Variants in CAMTA1 observed in about 807,000 individuals in gnomAD.
CAMTA1 encodes the protein calmodulin binding transcription activator 1.
A neutral mutation model predicts 170.9 loss-of-function variants in CAMTA1; 27 were observed. That is an observed-to-expected ratio of 0.16 (90% CI 0.12 to 0.22). CAMTA1 has a LOEUF of 0.22. Ranked by LOEUF, CAMTA1 falls within the 10% of genes least tolerant of loss-of-function variation. The probability of loss-of-function intolerance (pLI) is 1.00; values close to 1 mark genes in which losing one functional copy is unlikely to be tolerated. For missense variants in CAMTA1, 1,619 were observed against 2,217.2 expected, an observed-to-expected ratio of 0.73 and a Z score of 5.42; for synonymous variants, 833 against 891.5, an observed-to-expected ratio of 0.93 and a Z score of 1.17.
intron 3 of CAMTA1, among the ~76,000 whole-genome samples, chr1:6,904,593 C>T (rs568200819): frequency 2.0e-5 from 3 of 148,258 alleles, no homozygotes; most frequent in East Asian, 2.0e-4. Flanking sequence ...CTTCCTCTAT[C>T]GCCCCAGGCT....
At position 7,588,298 on chromosome 1, in the gene CAMTA1, C is replaced by G. The variant is rs1429460943; in HGVS notation, c.511-52102C>G. Among the ~76,000 whole-genome samples, 1 of 151,070 alleles carries G rather than the reference C, an allele frequency of 6.6e-6. No individual in the cohort carries two copies. Among genetic ancestry groups the G allele is most frequent in the African/African-American group, 2.5e-5 (1 of 40,376 alleles). On this transcript the variant is annotated intron_variant, in intron 6 of 22. Transcript: ENST00000303635. This position sits in a 1 kb window ranked among gnomAD's most constrained non-coding sequence, Gnocchi z 5.8. The stretch of plus-strand genomic sequence containing the variant: ...CACGCTGGTGTGGCCCTGCTGGGGA[C>G]CCCGGGTCTGTCAGGTCTGGTGAGA...
chr1:7,654,908 A>G (rs145282530), intron 7 of CAMTA1, among the ~76,000 whole-genome samples: 71 of 147,856 alleles, frequency 4.8e-4, no homozygotes, highest in African/African-American at 1.7e-3. Context: ...CTATACACCC[A>G]CAAACACACC....
intron 6 of CAMTA1, among the ~76,000 whole-genome samples, chr1:7,507,799 C>A (rs914516655): frequency 6.6e-6 from 1 of 152,188 alleles, no homozygotes; most frequent in Non-Finnish European, 1.5e-5. Flanking sequence ...AAGCTCTGAG[C>A]GGGCAGCCTC....
chr1:7,555,545 T>G (rs1485612182), intron 6 of CAMTA1, among the ~76,000 whole-genome samples: 2 of 152,132 alleles, frequency 1.3e-5, no homozygotes, highest in Admixed American at 6.5e-5. Flanking sequence ...AGCCAGGGCC[T>G]GGATATCCCA....
intron 3 of CAMTA1, among the ~76,000 whole-genome samples, chr1:6,873,718 A>G (rs907856718): frequency 2.6e-5 from 4 of 152,278 alleles, no homozygotes; most frequent in Non-Finnish European, 5.9e-5. Context: ...ATTTTAAGAT[A>G]ACCTCATTTT....
rs376492053 is a variant in CAMTA1 at position 6,797,216 on chromosome 1, C to T, written c.45+11641C>T. On this transcript the variant is annotated intron_variant, in intron 1 of 22. Coordinates refer to ENST00000303635, the MANE Select transcript of CAMTA1 (RefSeq NM_015215.4). ...CCCCAAGTGACTGAGGCTATAGGTG[C>T]GTGCCACCATGCCAGGCTAATTTTT... Among the ~76,000 whole-genome samples, 6 of 152,110 alleles carry T rather than the reference C, an allele frequency of 3.9e-5. No homozygotes were observed. The East Asian group carries it at 7.8e-4, about 20-fold the overall frequency.
chr1:7,563,248 C>A (rs2094984826), intron 6 of CAMTA1, among the ~76,000 whole-genome samples: 1 of 152,194 alleles, frequency 6.6e-6, no homozygotes, highest in Non-Finnish European at 1.5e-5. Context: ...TAAGTACCTG[C>A]CAGAGTCTTC....
At chr1:6,903,694 T>A (rs181139138) in intron 3 of CAMTA1, among the ~76,000 whole-genome samples, 32 of 152,344 alleles carry the variant, frequency 2.1e-4, no homozygotes, top group African/African-American at 6.7e-4. Flanking sequence ...CAGTTCACCA[T>A]CTGTAGAACC....
At chr1:7,023,176 A>G (rs1701600631) in intron 3 of CAMTA1, among the ~76,000 whole-genome samples, 1 of 152,238 alleles carries the variant, frequency 6.6e-6, no homozygotes, top group African/African-American at 2.4e-5. Flanking sequence ...ACCAAGCCTA[A>G]GCTGTATATA....
chr1:7,492,104 G>T (rs979907877), intron 6 of CAMTA1, among the ~76,000 whole-genome samples: 2 of 152,160 alleles, frequency 1.3e-5, no homozygotes, highest in African/African-American at 4.8e-5. Flanking sequence ...CTAGGCTCAG[G>T]GTGCCCTCCC....
At chr1:7,577,314 C>T (rs910133398) in intron 6 of CAMTA1, among the ~76,000 whole-genome samples, 1 of 152,068 alleles carries the variant, frequency 6.6e-6, no homozygotes. Flanking sequence ...CCCCCTTGTG[C>T]TTATTTTTTG....
intron 3 of CAMTA1, among the ~76,000 whole-genome samples, chr1:7,035,806 A>G (rs763399113): frequency 3.3e-5 from 5 of 152,240 alleles, no homozygotes; most frequent in Non-Finnish European, 7.3e-5. Flanking sequence ...CGTTTACACT[A>G]ATAGAAATTC....
At chr1:7,169,209 G>A (rs951756391) in intron 4 of CAMTA1, among the ~76,000 whole-genome samples, 1 of 152,050 alleles carries the variant, frequency 6.6e-6, no homozygotes, top group Non-Finnish European at 1.5e-5. Flanking sequence ...TAGGAGTTTT[G>A]CGTCTATGTT....
chr1:6,987,125 CT>C (rs1695492320), intron 3 of CAMTA1, among the ~76,000 whole-genome samples: 1 of 151,164 alleles, frequency 6.6e-6, no homozygotes, highest in African/African-American at 2.4e-5. Context: ...CACTGGGTAA[CT>C]TTTAAAAACT....
At chr1:6,848,618 C>T (rs1310111148) in intron 3 of CAMTA1, among the ~76,000 whole-genome samples, 1 of 152,176 alleles carries the variant, frequency 6.6e-6, no homozygotes, top group African/African-American at 2.4e-5. Context: ...AGCGAAGGAT[C>T]TGACTTGGGA....
intron 6 of CAMTA1, among the ~76,000 whole-genome samples, chr1:7,506,862 C>T (rs2094122540): frequency 6.6e-6 from 1 of 152,044 alleles, no homozygotes; most frequent in African/African-American, 2.4e-5. Context: ...ACAGAATTCA[C>T]ACTCGCTTTC....
chr1:7,661,873 C>T lies in CAMTA1; in HGVS notation c.805+7C>T, dbSNP rs772978946. On this transcript the variant is annotated splice_region_variant and intron_variant, in intron 8 of 22. Transcript: ENST00000303635. ...CTCTGCACCGGCAGCCTGGGTGAGC[C>T]GGGGCTCCCGGGGCAGGCGGGCGCC... 4.3e-5 allele frequency: 69 copies of T among 1,599,022 alleles called. 1 individual carries two copies. The highest frequency in any genetic ancestry group is 3.3e-4 in the Middle Eastern group (2 of 6,054).
chr1:7,235,627 CA>C (rs1056553593), intron 4 of CAMTA1, among the ~76,000 whole-genome samples: 1 of 151,806 alleles, frequency 6.6e-6, no homozygotes, highest in African/African-American at 2.4e-5. Flanking sequence ...ACTTTGTCTC[CA>C]AAAAGAAAAG....
At chr1:7,417,047 A>G (rs1460080486) in intron 5 of CAMTA1, among the ~76,000 whole-genome samples, 2 of 152,256 alleles carry the variant, frequency 1.3e-5, no homozygotes, top group African/African-American at 4.8e-5. Context: ...TTGCCTGGGT[A>G]TCAGCAGCAG....
Sources: allele counts gnomAD v4.1 joint callset (sites outside exome capture counted in the v4.1 genomes callset), GRCh38; gene constraint gnomAD v4.1.1; non-coding constraint Gnocchi (gnomAD v3.1); transcripts MANE v1.5; gene names NCBI Gene and HGNC (gene_info 2026-07-23, HGNC 2026-07-21).